The following ZNF117 variants were observed in gnomAD, a reference collection of about 807,000 sequenced individuals.
ZNF117 encodes zinc finger protein 117, also known as Krueppel-related zinc finger protein.
In ZNF117, 37 loss-of-function variants were observed where a neutral mutation model predicts 41.2. That is an observed-to-expected ratio of 0.90 (90% confidence interval 0.69 to 1.18). The LOEUF is 1.18. Ranked by LOEUF, ZNF117 falls within the 50% of genes most tolerant of loss-of-function variation. ZNF117 has a pLI of 0.00. For missense variants in ZNF117, 546 were observed against 557.5 expected (o/e 0.98, Z 0.21); for synonymous variants, 186 against 186.6 (o/e 1.00, Z 0.02).
chr7:64,987,543 G>A lies in ZNF117; in HGVS notation c.-196+2404C>T, dbSNP rs113179219. ...AAAATTAATAAGCTAAATAAACCACGAGCCAGATTCATAAAGAAAGAAGAT... is the reference window on the plus strand; with the variant it reads ...AAAATTAATAAGCTAAATAAACCACAAGCCAGATTCATAAAGAAAGAAGAT... On this transcript the variant is annotated intron_variant, in intron 1 of 3. Transcript: ENST00000282869. Among the ~76,000 whole-genome samples the A allele has an allele frequency of 7.4e-3, 1,132 of 152,178 alleles. 11 individuals carry two copies. The highest frequency in any genetic ancestry group is 0.024 in the African/African-American group (988 of 41,542).
intron 1 of ZNF117, 142 bp from the exon 3 acceptor site, chr7:64,981,624 G>C: frequency 2.6e-6 from 2 of 771,120 alleles, no homozygotes; most frequent in Admixed American, 3.4e-5. Context: ...AATTTCTAAA[G>C]ATTTAGAAAA....
downstream of ZNF117, chr7:64,972,432 T>C (rs1785798534): frequency 6.6e-6 from 1 of 151,998 alleles, no homozygotes; most frequent in Admixed American, 6.6e-5. Context: ...GACAATGTGG[T>C]ACATATACAC....
chr7:64,974,129 T>C (rs998887315), downstream of ZNF117: 2 of 151,956 alleles, frequency 1.3e-5, no homozygotes, highest in African/African-American at 4.8e-5. Flanking sequence ...TAGGCTTATA[T>C]AGGATTCTCC....
exon 3 of ZNF117, chr7:64,976,599 G>T (rs1355351747): frequency 7.6e-6 from 2 of 261,890 alleles, no homozygotes; most frequent in African/African-American, 2.3e-5. Context: ...GCTTTCCTGT[G>T]CTATAAGGTG....
At chr7:64,989,446 TATATATATA>T (rs1786206870) in intron 1 of ZNF117, among the ~76,000 whole-genome samples, 1 of 5,346 alleles carries the variant, frequency 1.9e-4, no homozygotes, top group African/African-American at 2.2e-3. Context: ...CTTAAAATTA[TATATATATA>T]TATATATATA....
chr7:64,982,210 G>A (rs1471441786), upstream of ZNF117: 5 of 500,130 alleles, frequency 1.0e-5, no homozygotes, highest in South Asian at 8.8e-5. Context: ...AAATAAAACA[G>A]TAAAGAAAAC....
Position 64,979,668 on chromosome 7 carries a change from C to T in ZNF117, c.35-132G>A, listed in dbSNP as rs114676774. ...AGCAAAATACCACAGGTTCTAATTC[C>T]TTCATAGACATATAAATGTAACAAG... On this transcript the variant is annotated intron_variant, in intron 2 of 2. Coordinates refer to ENST00000620222, the Ensembl canonical transcript of ZNF117. 1,734 of 581,826 alleles carry T rather than the reference C, an allele frequency of 3.0e-3. 16 individuals are homozygous for T. Among genetic ancestry groups the T allele is most frequent in the African/African-American group, 0.025 (1,280 of 51,858 alleles). The allele number at this position is 581,826 out of a possible 1,614,324, so 36.0% of individuals were successfully genotyped here.
At chr7:64,989,446 T>TATATATATAC (rs1230085472) in intron 1 of ZNF117, among the ~76,000 whole-genome samples, 45 of 5,338 alleles carry the variant, frequency 8.4e-3, no homozygotes, top group African/African-American at 0.015. Context: ...CTTAAAATTA[T>TATATATATAC]ATATATATAT....
exon 1 of ZNF117, chr7:64,991,027 G>A (rs950365725): frequency 2.7e-4 from 138 of 502,406 alleles, no homozygotes; most frequent in African/African-American, 2.3e-3. Context: ...CTTAGTTAGG[G>A]CCATTAGTCG....
At chr7:64,972,543 AG>A (rs1785799782), downstream of ZNF117, 1 of 152,050 alleles carries the variant, frequency 6.6e-6, no homozygotes. Context: ...CCAGACACAA[AG>A]ATTATTTTTC....
At chr7:64,975,935 C>T (rs1260134151) in exon 3 of ZNF117, 1 of 152,094 alleles carries the variant, frequency 6.6e-6, no homozygotes, top group Non-Finnish European at 1.5e-5. Context: ...GTTTTCTAAG[C>T]AGTAGTTTTT....
At chr7:64,984,500 G>A (rs993785266), upstream of ZNF117, among the ~76,000 whole-genome samples, 4 of 152,120 alleles carry the variant, frequency 2.6e-5, no homozygotes, top group Non-Finnish European at 5.9e-5. Flanking sequence ...TTTTTGGGTG[G>A]CCAAATCATT....
At chr7:64,980,060 G>T (rs1032043698) in intron 2 of ZNF117, 1 of 153,488 alleles carries the variant, frequency 6.5e-6, no homozygotes, top group African/African-American at 2.4e-5. Context: ...CAGCAGGAAA[G>T]AGACTGTACT....
chr7:64,990,037 A>T (rs1034899267), exon 1 of ZNF117: 11 of 152,174 alleles, frequency 7.2e-5, no homozygotes, highest in African/African-American at 2.7e-4. Flanking sequence ...ATGCCACTGC[A>T]CTCCATCCTG....
chr7:64,984,951 C>G (rs193285823), upstream of ZNF117, among the ~76,000 whole-genome samples: 1 of 152,066 alleles, frequency 6.6e-6, no homozygotes, highest in Non-Finnish European at 1.5e-5. Context: ...CCACCACGCC[C>G]GGCTAATTTT....
At chr7:64,984,120 G>C (rs760968608), upstream of ZNF117, among the ~76,000 whole-genome samples, 5 of 151,968 alleles carry the variant, frequency 3.3e-5, no homozygotes, top group Non-Finnish European at 5.9e-5. Flanking sequence ...GAATATATTT[G>C]ACAATTTCCA....
At chr7:64,984,877 G>A (rs1021088943), upstream of ZNF117, among the ~76,000 whole-genome samples, 1 of 152,066 alleles carries the variant, frequency 6.6e-6, no homozygotes, top group Non-Finnish European at 1.5e-5. Flanking sequence ...TGCAACCTCT[G>A]CCTCCCAGGT....
downstream of ZNF117, chr7:64,971,970 A>G (rs531858533): frequency 1.3e-5 from 2 of 152,050 alleles, no homozygotes; most frequent in South Asian, 2.1e-4. Flanking sequence ...AGAAACATAT[A>G]AACAACTTAA....
At chr7:64,976,432 A>C (rs1785888775) in exon 3 of ZNF117, 1 of 119,578 alleles carries the variant, frequency 8.4e-6, no homozygotes, top group Non-Finnish European at 1.7e-5. Context: ...ACAGAGCAAG[A>C]CTCCATCTAA....
Sources: allele counts gnomAD v4.1 joint callset (sites outside exome capture counted in the v4.1 genomes callset), GRCh38; gene constraint gnomAD v4.1.1; transcripts MANE v1.5; gene names NCBI Gene and HGNC (gene_info 2026-07-23, HGNC 2026-07-21).